SLC35D2: variants seen among roughly 807,000 people sequenced by gnomAD.
SLC35D2 encodes solute carrier family 35 member D2.
In SLC35D2, 43 loss-of-function variants were observed where a neutral mutation model predicts 41.8. That is an observed-to-expected ratio of 1.03 (90% CI 0.81 to 1.33). SLC35D2 has a LOEUF of 1.33. Ranked by LOEUF, SLC35D2 falls within the 40% of genes most tolerant of loss-of-function variation. The pLI is 0.00. For missense variants in SLC35D2, 380 were observed against 408.4 expected, an observed-to-expected ratio of 0.93 and a Z score of 0.60; for synonymous variants, 150 against 163.9, an observed-to-expected ratio of 0.92 and a Z score of 0.65.
At chr9:96,383,437 C>A in intron 1 of SLC35D2, 40 bp downstream of exon 1, 1 of 1,481,492 alleles carries the variant, frequency 6.7e-7, no homozygotes, top group African/African-American at 1.5e-5. Context: ...GGGGCAGCCC[C>A]GCACTCCCGC....
rs1171888357 is a variant in SLC35D2, at chr9:96,367,219, C to CAA, written c.192+1051_192+1052dup. Among the ~76,000 whole-genome samples the CAA allele has an allele frequency of 3.8e-3, 268 of 70,890 alleles. 1 individual carries two copies. The highest frequency in any genetic ancestry group is 9.7e-3 in the African/African-American group (225 of 23,166). 46.5% of individuals were successfully genotyped at this position (70,890 alleles called of 152,430 possible). A position where few individuals can be genotyped will look rare whatever the true frequency, so the allele number is the denominator to read the frequency against. ...TGGGCGACAGGCTGAGACTCAGTCA[C>CAA]AAAAAAAAAAAAAAAAAAAAGAATA... On this transcript the variant is annotated intron_variant, in intron 2 of 11. Coordinates refer to ENST00000253270, the MANE Select transcript of SLC35D2 (RefSeq NM_007001.3).
At chr9:96,317,830 C>T (rs1306532170), downstream of SLC35D2, among the ~76,000 whole-genome samples, 3 of 150,474 alleles carry the variant, frequency 2.0e-5, no homozygotes, top group African/African-American at 7.4e-5. Context: ...TCGAGACCAA[C>T]CTGACCAACT....
At chr9:96,316,492 CA>C (rs148816828), downstream of SLC35D2, among the ~76,000 whole-genome samples, 10 of 145,952 alleles carry the variant, frequency 6.9e-5, no homozygotes, top group Admixed American at 2.0e-4. Context: ...CTCAAAAAAA[CA>C]AAAAAAAAAG....
intron 10 of SLC35D2, 94 bp downstream of exon 10, chr9:96,323,997 C>T: frequency 3.7e-6 from 4 of 1,082,880 alleles, no homozygotes; most frequent in Non-Finnish European, 5.7e-6. Flanking sequence ...TCTTACACCA[C>T]CACCAACAAC....
chr9:96,321,575 C>T (rs1428264818), intron 11 of SLC35D2, among the ~76,000 whole-genome samples: 1 of 152,128 alleles, frequency 6.6e-6, no homozygotes, highest in Non-Finnish European at 1.5e-5. Context: ...AGAAAATAAG[C>T]ACTTGGTTTC....
At chr9:96,383,088 A>G (rs889659168) in intron 1 of SLC35D2, among the ~76,000 whole-genome samples, 17 of 152,218 alleles carry the variant, frequency 1.1e-4, no homozygotes, top group Admixed American at 4.6e-4. Flanking sequence ...CAGTCAATCA[A>G]TACAGACTTA....
chr9:96,328,063 C>A (rs1030992496), intron 9 of SLC35D2, among the ~76,000 whole-genome samples: 12 of 152,188 alleles, frequency 7.9e-5, no homozygotes, highest in Non-Finnish European at 1.6e-4. Context: ...TGGCCAAAAC[C>A]AAGACTTTGA....
rs542603863 is a variant in SLC35D2 at position 96,360,864 on chromosome 9, C to T, written c.280-643G>A. Among the ~76,000 whole-genome samples the T allele has an allele frequency of 2.0e-5, 3 of 152,008 alleles. No homozygotes were observed. The South Asian group carries it at 6.3e-4, about 32-fold the overall frequency. Reference sequence around the variant, plus strand: ...TCAAGCAATTCTCCTGCCTCAGTCTCCCGAGTAGCTGGGATTACAGGCATC... The same window carrying T: ...TCAAGCAATTCTCCTGCCTCAGTCTTCCGAGTAGCTGGGATTACAGGCATC... On this transcript the variant is annotated intron_variant, in intron 3 of 11. Coordinates refer to ENST00000253270, the MANE Select transcript of SLC35D2 (RefSeq NM_007001.3).
At chr9:96,363,675 C>A (rs1431390133) in intron 3 of SLC35D2, among the ~76,000 whole-genome samples, 1 of 152,188 alleles carries the variant, frequency 6.6e-6, no homozygotes, top group African/African-American at 2.4e-5. Flanking sequence ...CCACTCACAG[C>A]TTTTGTCAGT....
In SLC35D2 at chr9:96,383,573, A is replaced by G; in HGVS notation, c.62T>C (p.Leu21Pro). ...CAGCAGCCGGGCCACCCGCGAGGGC[A>G]GCCGCGCCGCGCCGGGCTCCCCGCC... ...GAGGEPGAAR[L>P]PSRVARLLSA... The change falls in exon 1 of 12, where the codon CTG becomes CCG. Residue 21 changes from leucine (L) to proline (P), a missense_variant. Physicochemically the swap from Leu to Pro is moderately conservative, Grantham distance 98. Transcript: ENST00000253270. The G allele has an allele frequency of 2.0e-6, 3 of 1,476,990 alleles. No homozygotes were observed. The highest frequency in any genetic ancestry group is 1.8e-6 in the Non-Finnish European group (2 of 1,112,836). 91.5% of individuals were successfully genotyped at this position (1,476,990 alleles called of 1,614,324 possible).
chr9:96,359,777 C>A (rs1249320215), intron 4 of SLC35D2, among the ~76,000 whole-genome samples: 2 of 152,036 alleles, frequency 1.3e-5, no homozygotes, highest in East Asian at 3.9e-4. Context: ...TTTTTCCCTG[C>A]ACCAAACCTG....
In SLC35D2 at chr9:96,321,053, C is replaced by T. The variant is rs571333882; in HGVS notation, c.*189G>A. The T allele has an allele frequency of 8.8e-5, 48 of 545,484 alleles. No individual in the cohort carries two copies. Among genetic ancestry groups the T allele is most frequent in the South Asian group, 1.4e-4 (6 of 42,436 alleles). 33.8% of individuals were successfully genotyped at this position (545,484 alleles called of 1,614,324 possible). On this transcript the variant is annotated 3_prime_UTR_variant, in exon 12 of 12. Transcript: ENST00000253270. The stretch of plus-strand genomic sequence containing the variant: ...TGCTTTCCACAGGTAAGGTGTCGCC[C>T]GAGTACATTTCTTGAGACTGCCATT...
downstream of SLC35D2, among the ~76,000 whole-genome samples, chr9:96,316,030 GT>G (rs1828045043): frequency 6.6e-6 from 1 of 152,110 alleles, no homozygotes; most frequent in Non-Finnish European, 1.5e-5. Flanking sequence ...AATTCTATTG[GT>G]AACAAAGTTA....
intron 1 of SLC35D2, among the ~76,000 whole-genome samples, chr9:96,369,265 A>T (rs998146031): frequency 2.0e-5 from 3 of 152,208 alleles, no homozygotes; most frequent in African/African-American, 7.2e-5. Flanking sequence ...TGTATAAAAA[A>T]TTATATATCA....
intron 5 of SLC35D2, 130 bp downstream of exon 5, chr9:96,351,908 A>T: frequency 1.9e-6 from 1 of 528,586 alleles, no homozygotes; most frequent in Non-Finnish European, 3.4e-6. Flanking sequence ...GAAGCACAAA[A>T]CTACTTTTAA....
chr9:96,317,130 T>A (rs563882947), downstream of SLC35D2, among the ~76,000 whole-genome samples: 2 of 144,266 alleles, frequency 1.4e-5, no homozygotes, highest in South Asian at 2.2e-4. Flanking sequence ...AGAGCAAGAC[T>A]CCCTCTCAAA....
intron 4 of SLC35D2, among the ~76,000 whole-genome samples, chr9:96,357,864 C>T (rs1830091929): frequency 6.6e-6 from 1 of 151,482 alleles, no homozygotes; most frequent in South Asian, 2.1e-4. Context: ...CATGGTGAGA[C>T]CTAGTCTCTA....
downstream of SLC35D2, among the ~76,000 whole-genome samples, chr9:96,317,888 C>T (rs7035074): frequency 0.53 from 78,186 of 147,056 alleles, 21,214 homozygotes; most frequent in African/African-American, 0.6. Context: ...AAAAAAATAG[C>T]CAGGCGTAGT....
At chr9:96,367,578 T>G (rs1041503479) in intron 2 of SLC35D2, among the ~76,000 whole-genome samples, 47 of 152,020 alleles carry the variant, frequency 3.1e-4, no homozygotes, top group African/African-American at 1.1e-3. Flanking sequence ...AGGTCAGGAG[T>G]TCGAGACCAG....
Sources: allele counts gnomAD v4.1 joint callset (sites outside exome capture counted in the v4.1 genomes callset), GRCh38; gene constraint gnomAD v4.1.1; transcripts MANE v1.5; gene names NCBI Gene and HGNC (gene_info 2026-07-23, HGNC 2026-07-21).